The following CCDC144A variants were observed in gnomAD, a reference collection of about 807,000 sequenced individuals.
The protein encoded by CCDC144A is coiled-coil domain-containing protein 144A.
Under a neutral mutation model 143.8 loss-of-function variants are expected in CCDC144A, and 41 were observed. That is an observed-to-expected ratio of 0.29 (90% CI 0.22 to 0.37). CCDC144A has a LOEUF of 0.37. Ranked by LOEUF, CCDC144A falls within the 10% of genes least tolerant of loss-of-function variation. The pLI is 1.00. For synonymous variants in CCDC144A, 242 were observed against 517.9 expected (o/e 0.47, Z 7.23); for missense variants, 637 against 1,488.8 (o/e 0.43, Z 9.41).
intron 12 of CCDC144A, chr17:16,745,685 G>A: frequency 1.2e-6 from 2 of 1,613,234 alleles, no homozygotes; most frequent in Non-Finnish European, 1.7e-6. Context: ...CTGCCTTGCA[G>A]ATCCTCCTGT....
rs562384945 is a variant in CCDC144A at position 16,714,203 on chromosome 17, C to T, written c.1715+2388C>T. ...TTTTACACATTGATATGTCCCAGGA[C>T]TCAGTCCTCAATCTTGTTTCTCATG... On this transcript the variant is annotated intron_variant, in intron 6 of 16. Transcript: ENST00000399273. Among the ~76,000 whole-genome samples, 7 of 152,322 alleles carry T rather than the reference C, an allele frequency of 4.6e-5. No homozygotes were observed. The East Asian group carries it at 9.6e-4, about 21-fold the overall frequency.
Position 16,707,148 on chromosome 17 carries a change from A to G in CCDC144A, c.665-321A>G, listed in dbSNP as rs2694364. The stretch of plus-strand genomic sequence containing the variant: ...GTATGCAGCATTGCCTGATAATATT[A>G]CTACTGCATTCCAAAATTTTGTTTT... On this transcript the variant is annotated intron_variant, in intron 3 of 16. Coordinates refer to ENST00000399273, the MANE Select transcript of CCDC144A (RefSeq NM_001382000.1). The G allele has an allele frequency of 1.9e-3, 527 of 270,766 alleles. 5 individuals carry two copies. Among genetic ancestry groups the G allele is most frequent in the African/African-American group, 0.011 (490 of 43,716 alleles). 16.8% of individuals were successfully genotyped at this position (270,766 alleles called of 1,614,324 possible). A position where few individuals can be genotyped will look rare whatever the true frequency, so the allele number is the denominator to read the frequency against.
intron 12 of CCDC144A, among the ~76,000 whole-genome samples, chr17:16,736,674 C>T (rs1214910103): frequency 7.2e-5 from 11 of 151,802 alleles, no homozygotes; most frequent in Non-Finnish European, 1.6e-4. Context: ...GCAGGATTCA[C>T]ATATAGCAGG....
chr17:16,676,702 C>G, the CCDC144A span, among the ~76,000 whole-genome samples: 13 of 152,028 alleles, frequency 8.6e-5, no homozygotes, highest in East Asian at 2.5e-3. Flanking sequence ...TTTAAAAACA[C>G]TCTGCACATT....
At chr17:16,734,261 G>GA (rs1913893087) in intron 11 of CCDC144A, among the ~76,000 whole-genome samples, 1 of 152,002 alleles carries the variant, frequency 6.6e-6, no homozygotes, top group Admixed American at 6.6e-5. Context: ...ATATTCTCAG[G>GA]AAAAAAAGAA....
At chr17:16,753,437 T>TGTTGTTGTTG (rs1914909208) in intron 12 of CCDC144A, among the ~76,000 whole-genome samples, 1 of 123,160 alleles carries the variant, frequency 8.1e-6, no homozygotes, top group South Asian at 2.3e-4. Context: ...AGTTTTTTTT[T>TGTTGTTGTTG]TTTTTTTTTT....
the CCDC144A span, among the ~76,000 whole-genome samples, chr17:16,681,657 G>A: frequency 2.0e-5 from 3 of 151,988 alleles, no homozygotes; most frequent in African/African-American, 4.8e-5. Flanking sequence ...TTGGGAGTTC[G>A]AGACCAGTCT....
chr17:16,745,760 C>G, intron 12 of CCDC144A: 2 of 1,613,628 alleles, frequency 1.2e-6, no homozygotes, highest in Non-Finnish European at 1.7e-6. Flanking sequence ...CTGGCCGGTC[C>G]TTGTTTGCCA....
chr17:16,772,020 G>T lies in CCDC144A; in HGVS notation c.4141+1G>T, dbSNP rs918465977. ...AATGATCTAACTGCAGAAGTAGCAG[G>T]TATGTTACCAAAATTTATGAATTAA... On this transcript the variant is annotated splice_donor_variant, in intron 16 of 16. Coordinates refer to ENST00000399273, the MANE Select transcript of CCDC144A (RefSeq NM_001382000.1). LOFTEE classifies it high-confidence loss of function. 4 of 1,531,206 alleles carry T rather than the reference G, an allele frequency of 2.6e-6. No individual in the cohort carries two copies. The highest frequency in any genetic ancestry group is 2.0e-5 in the Admixed American group (1 of 50,066). 94.9% of individuals were successfully genotyped at this position (1,531,206 alleles called of 1,614,324 possible).
the CCDC144A span, chr17:16,683,480 C>T: frequency 2.8e-6 from 4 of 1,423,760 alleles, no homozygotes; most frequent in Admixed American, 1.8e-5. Flanking sequence ...CCTTGGCCGC[C>T]TTGCCCTGCC....
chr17:16,770,796 C>A (rs545684102), intron 15 of CCDC144A, among the ~76,000 whole-genome samples: 2 of 151,826 alleles, frequency 1.3e-5, no homozygotes, highest in South Asian at 4.2e-4. Context: ...TCCCTTAATC[C>A]TTCAGCATCC....
chr17:16,745,090 T>C lies in CCDC144A; in HGVS notation c.3372+9447T>C, dbSNP rs913139814. Among the ~76,000 whole-genome samples the C allele has an allele frequency of 3.5e-4, 53 of 151,972 alleles. No individual in the cohort carries two copies. In the East Asian group the frequency reaches 8.9e-3, roughly 26 times the overall value. On this transcript the variant is annotated intron_variant, in intron 12 of 16. Coordinates refer to ENST00000399273, the MANE Select transcript of CCDC144A (RefSeq NM_001382000.1). ...ATAGTTGAAGCTGTTGGGTTTTATATAGTGTGAACTCTGATAAATATTCCT... is the reference window on the plus strand; with the variant it reads ...ATAGTTGAAGCTGTTGGGTTTTATACAGTGTGAACTCTGATAAATATTCCT...
intron 5 of CCDC144A, 135 bp downstream of exon 5, chr17:16,709,770 G>A (rs1912288483): frequency 7.5e-7 from 1 of 1,334,964 alleles, no homozygotes; most frequent in Admixed American, 2.8e-5. Context: ...AGAAACAGAT[G>A]ATTTCTAAGT....
At chr17:16,669,354 T>G in the CCDC144A span, among the ~76,000 whole-genome samples, 25 of 152,364 alleles carry the variant, frequency 1.6e-4, no homozygotes, top group African/African-American at 6.0e-4. Flanking sequence ...ATGTTTGTAG[T>G]CAGGCATTCA....
the CCDC144A span, among the ~76,000 whole-genome samples, chr17:16,667,422 G>A: frequency 6.6e-6 from 1 of 151,792 alleles, no homozygotes; most frequent in South Asian, 2.1e-4. Context: ...GGCGGCTGAC[G>A]CGGCTGAAGG....
intron 2 of CCDC144A, among the ~76,000 whole-genome samples, chr17:16,693,642 G>A (rs1911230877): frequency 6.6e-6 from 1 of 152,148 alleles, no homozygotes; most frequent in African/African-American, 2.4e-5. Flanking sequence ...GAGTTAGTAA[G>A]TTGTATGTTT....
intron 2 of CCDC144A, among the ~76,000 whole-genome samples, chr17:16,703,911 C>T (rs1911889833): frequency 6.6e-6 from 1 of 152,112 alleles, no homozygotes; most frequent in South Asian, 2.1e-4. Context: ...TATGACACAC[C>T]ATGTCTATGA....
chr17:16,720,974 C>T (rs1290440856), intron 8 of CCDC144A, among the ~76,000 whole-genome samples: 1 of 152,088 alleles, frequency 6.6e-6, no homozygotes, highest in Non-Finnish European at 1.5e-5. Flanking sequence ...CCAAATACCC[C>T]ACCTCCTAAA....
the CCDC144A span, among the ~76,000 whole-genome samples, chr17:16,673,611 C>G: frequency 6.6e-6 from 1 of 152,022 alleles, no homozygotes; most frequent in Non-Finnish European, 1.5e-5. Flanking sequence ...GTCTCGAACT[C>G]CTGACCTCAG....
Sources: gnomAD v4.1 joint callset for allele counts (sites outside exome capture counted in the v4.1 genomes callset) on GRCh38, gnomAD v4.1.1 for gene constraint, MANE v1.5 for transcripts, NCBI Gene and HGNC (gene_info 2026-07-23, HGNC 2026-07-21) for gene names.